The following PRDM5 variants were observed in gnomAD, a reference collection of about 807,000 sequenced individuals.
PRDM5 encodes PR domain zinc finger protein 5.
Under a neutral mutation model 81.2 loss-of-function variants are expected in PRDM5, and 56 were observed. The ratio of observed to expected loss-of-function variants is 0.69; its 90% confidence interval spans 0.56 to 0.86. The LOEUF (loss-of-function observed/expected upper bound fraction) is 0.86, where lower values mean the gene tolerates loss of function less well. Among genes scored for constraint, PRDM5 ranks in the 40% least tolerant of loss-of-function variants. PRDM5 has a pLI of 0.00. For synonymous variants in PRDM5, 267 were observed against 256.4 expected (o/e 1.04, Z -0.39); for missense variants, 697 against 770.1 (o/e 0.91, Z 1.12).
Position 120,798,352 on chromosome 4 carries a change from A to C in PRDM5, c.1103T>G (p.Val368Gly). Reference protein sequence around the residue: ...KRLDQVGAHKVIHSEDKPYKC... With the variant: ...KRLDQVGAHKGIHSEDKPYKC... ...GTAAGGTTTGTCTTCGCTGTGTATT[A>C]CTTTGTGAGCACCCACTTGATCAAG... The change falls in exon 10 of 16, where the codon GTA (valine) becomes GGA (glycine). Residue 368 changes from valine (V) to glycine (G), a missense_variant. Physicochemically the swap from Val to Gly is moderately radical, Grantham distance 109. This residue lies in a region of PRDM5 where 577 missense variants were observed against 606.7 expected (regional missense o/e 0.95). Transcript: ENST00000264808. 1.2e-6 allele frequency: 2 copies of C among 1,613,658 alleles called. No homozygotes were observed. Among genetic ancestry groups the C allele is most frequent in the Non-Finnish European group, 1.7e-6 (2 of 1,179,680 alleles).
chr4:120,920,250 T>C (rs1012533781), intron 1 of PRDM5, among the ~76,000 whole-genome samples: 6 of 152,252 alleles, frequency 3.9e-5, no homozygotes, highest in Admixed American at 1.3e-4. Flanking sequence ...TGCAAGCACT[T>C]TTTAAAACAG....
chr4:120,742,873 G>T (rs1203968544), intron 14 of PRDM5, among the ~76,000 whole-genome samples: 3 of 152,114 alleles, frequency 2.0e-5, no homozygotes, highest in African/African-American at 7.2e-5. Flanking sequence ...TTATCCAGGA[G>T]AATTTCCCCA....
rs1367821206 is a variant in PRDM5, at chr4:120,821,165, C to G, written c.475+6G>C. 1 of 1,613,450 alleles carries G rather than the reference C, an allele frequency of 6.2e-7. No homozygotes were observed. ...TCTCCCAGATCACCAATTAAAGATG[C>G]AATACCTTTTCTGCCCGCTGTTGAT... is the stretch of plus-strand genomic sequence containing the variant. On this transcript the variant is annotated splice_donor_region_variant and intron_variant, in intron 4 of 15. Coordinates refer to ENST00000264808, the MANE Select transcript of PRDM5 (RefSeq NM_018699.4).
chr4:120,733,796 T>C (rs181911158), intron 14 of PRDM5, among the ~76,000 whole-genome samples: 1 of 149,502 alleles, frequency 6.7e-6, no homozygotes, highest in Non-Finnish European at 1.5e-5. Context: ...GAGGATAAAA[T>C]CATACAACAT....
intron 2 of PRDM5, among the ~76,000 whole-genome samples, chr4:120,899,074 G>A (rs922631812): frequency 6.6e-6 from 1 of 152,134 alleles, no homozygotes; most frequent in African/African-American, 2.4e-5. Context: ...CTCCATGAGA[G>A]AAATAGATTG....
At chr4:120,750,806 A>G (rs1377618676) in intron 14 of PRDM5, among the ~76,000 whole-genome samples, 1 of 152,180 alleles carries the variant, frequency 6.6e-6, no homozygotes, top group Non-Finnish European at 1.5e-5. Flanking sequence ...ATCAAGAGAT[A>G]GAATAGTCAA....
intron 14 of PRDM5, among the ~76,000 whole-genome samples, chr4:120,750,687 T>TACACACACACACAC (rs56024428): frequency 1.4e-5 from 2 of 147,520 alleles, no homozygotes; most frequent in East Asian, 2.0e-4. Flanking sequence ...TAGTTTCTTT[T>TACACACACACACAC]ACACACACAC....
chr4:120,903,547 C>T (rs375216690), intron 2 of PRDM5, among the ~76,000 whole-genome samples: 5 of 152,296 alleles, frequency 3.3e-5, no homozygotes, highest in African/African-American at 9.6e-5. Flanking sequence ...CTCTAGAAGA[C>T]CTACCACAGA....
At chr4:120,706,083 ATC>A (rs2149014475) in intron 15 of PRDM5, among the ~76,000 whole-genome samples, 1 of 139,416 alleles carries the variant, frequency 7.2e-6, no homozygotes, top group African/African-American at 2.6e-5. Context: ...TTGATCCTAG[ATC>A]TTTTTTTTTT....
In PRDM5 at chr4:120,692,480, T is replaced by G. The variant is rs1456735122; in HGVS notation, c.*2631A>C. The G allele has an allele frequency of 3.9e-5, 6 of 151,960 alleles. No individual in the cohort carries two copies. The highest frequency in any genetic ancestry group is 8.8e-5 in the Non-Finnish European group (6 of 67,994). 9.4% of individuals were successfully genotyped at this position (151,960 alleles called of 1,614,324 possible). On this transcript the variant is annotated 3_prime_UTR_variant, in exon 16 of 16. Coordinates refer to ENST00000264808, the MANE Select transcript of PRDM5 (RefSeq NM_018699.4). ...GCAACTGCTGATTATAATTTACCAATAAATGCCTCTATATAGCCAACAACA... is the reference window on the plus strand; with the variant it reads ...GCAACTGCTGATTATAATTTACCAAGAAATGCCTCTATATAGCCAACAACA...
At chr4:120,813,061 A>G (rs1397770) in intron 7 of PRDM5, 39,391 of 154,174 alleles carry the variant, frequency 0.26, 5,758 homozygotes, top group East Asian at 0.36. Flanking sequence ...TCAAGTTAAC[A>G]TTAAGAAATA....
Position 120,777,273 on chromosome 4 carries a change from T to C in PRDM5, c.1452A>G (p.Thr484=). 1 of 1,613,336 alleles carries C rather than the reference T, an allele frequency of 6.2e-7. No individual in the cohort carries two copies. The highest frequency in any genetic ancestry group is 8.5e-7 in the Non-Finnish European group (1 of 1,179,458). The change falls in exon 13 of 16, where the codon ACA becomes ACG. Residue 484 remains threonine (T), a synonymous_variant. Coordinates refer to ENST00000264808, the MANE Select transcript of PRDM5 (RefSeq NM_018699.4). ...SVLRSHKKTH[T]GEKEKICPYC... is the part of the protein sequence containing the mutation. The stretch of plus-strand genomic sequence containing the variant: ...ATGGACAGATTTTCTCCTTTTCTCC[T>C]GTATGTGTCTAAAAGGAAAGGGATA...
At chr4:120,843,148 G>A (rs1561461299) in intron 3 of PRDM5, among the ~76,000 whole-genome samples, 1 of 151,794 alleles carries the variant, frequency 6.6e-6, no homozygotes, top group Non-Finnish European at 1.5e-5. Flanking sequence ...CCTGGCCAAC[G>A]TAGCTGGTGA....
At chr4:120,812,843 T>A in intron 7 of PRDM5, 1 of 275,272 alleles carries the variant, frequency 3.6e-6, no homozygotes, top group East Asian at 1.4e-4. Context: ...GAAAGTGATA[T>A]ATCCACAAGG....
At chr4:120,750,710 A>ACG (rs1281697691) in intron 14 of PRDM5, among the ~76,000 whole-genome samples, 146 of 149,888 alleles carry the variant, frequency 9.7e-4, no homozygotes, top group Non-Finnish European at 1.8e-3. Flanking sequence ...ACACACACAC[A>ACG]CACACACACG....
chr4:120,818,496 A>G lies in PRDM5; in HGVS notation c.507T>C (p.Cys169=), dbSNP rs377651204. The G allele has an allele frequency of 5.0e-6, 8 of 1,613,688 alleles. No individual in the cohort carries two copies. The African/African-American group carries it at 6.7e-5, about 13-fold the overall frequency. Reference sequence around the variant, plus strand: ...TGGTAAAACTCGATTCACATTGAGGACAAGCATAGTCCTCTTTACAGCCAA... The same window carrying G: ...TGGTAAAACTCGATTCACATTGAGGGCAAGCATAGTCCTCTTTACAGCCAA... ...DRLGCKEDYA[C]PQCESSFTSE... Residue 169 remains cysteine (C), a synonymous_variant, in exon 5 of 16, where the codon TGT becomes TGC. Transcript: ENST00000264808.
chr4:120,914,727 C>T (rs891975291), intron 1 of PRDM5, among the ~76,000 whole-genome samples: 1 of 152,154 alleles, frequency 6.6e-6, no homozygotes, highest in African/African-American at 2.4e-5. Flanking sequence ...CAGCCCAATT[C>T]ACAATCATAA....
chr4:120,832,266 C>T (rs1462506967), intron 3 of PRDM5, among the ~76,000 whole-genome samples: 1 of 151,972 alleles, frequency 6.6e-6, no homozygotes, highest in African/African-American at 2.4e-5. Context: ...ATAACTAGTG[C>T]CCAGCAAATG....
Position 120,811,365 on chromosome 4 carries a change from C to A in PRDM5, c.945+5G>T, listed in dbSNP as rs1304653943. ...TAAACTGTGATGAATTTTTATCTTA[C>A]TGACCTTTCTATGTTCCTGTAGGCT... On this transcript the variant is annotated splice_donor_5th_base_variant and intron_variant, in intron 8 of 15. Coordinates refer to ENST00000264808, the MANE Select transcript of PRDM5 (RefSeq NM_018699.4). 6.4e-7 allele frequency: 1 copy of A among 1,565,194 alleles called. No individual in the cohort carries two copies. The highest frequency in any genetic ancestry group is 8.8e-7 in the Non-Finnish European group (1 of 1,139,400).
Sources: allele counts gnomAD v4.1 joint callset (sites outside exome capture counted in the v4.1 genomes callset), GRCh38; gene constraint gnomAD v4.1.1; regional missense constraint gnomAD v4.1.1; transcripts MANE v1.5; gene names NCBI Gene and HGNC (gene_info 2026-07-23, HGNC 2026-07-21).